The following PPFIBP1 variants were observed in gnomAD, a reference collection of about 807,000 sequenced individuals.
PPFIBP1 encodes the protein liprin-beta-1.
In PPFIBP1, 112 loss-of-function variants were observed where a neutral mutation model predicts 137.8. That is an observed-to-expected ratio of 0.81 (90% CI 0.70 to 0.95). The LOEUF (loss-of-function observed/expected upper bound fraction) is 0.95, where lower values mean the gene tolerates loss of function less well. Among genes scored for constraint, PPFIBP1 ranks in the 40% least tolerant of loss-of-function variants. The probability of loss-of-function intolerance (pLI) is 0.00; values close to 1 mark genes in which losing one functional copy is unlikely to be tolerated. For synonymous variants in PPFIBP1, 378 were observed against 417.3 expected (o/e 0.91, Z 1.15); for missense variants, 1,083 against 1,196.6 (o/e 0.91, Z 1.40).
chr12:27,540,345 G>C (rs1358906902), intron 1 of PPFIBP1, among the ~76,000 whole-genome samples: 5 of 151,630 alleles, frequency 3.3e-5, no homozygotes, highest in Non-Finnish European at 7.4e-5. Flanking sequence ...GGCGTAGTTA[G>C]CTGGTACCCC....
intron 1 of PPFIBP1, among the ~76,000 whole-genome samples, chr12:27,534,141 A>G (rs1944712199): frequency 6.6e-6 from 1 of 152,204 alleles, no homozygotes; most frequent in South Asian, 2.1e-4. Context: ...AGGATATTAA[A>G]AGAAGAAAAA....
chr12:27,682,784 G>C, intron 24 of PPFIBP1, 81 bp downstream of exon 24: 1 of 1,593,550 alleles, frequency 6.3e-7, no homozygotes, highest in Non-Finnish European at 8.5e-7. Context: ...GCCAAACACA[G>C]TGTTTTCAGT....
At chr12:27,582,381 C>A (rs186257370) in intron 2 of PPFIBP1, among the ~76,000 whole-genome samples, 1 of 152,160 alleles carries the variant, frequency 6.6e-6, no homozygotes, top group Admixed American at 6.5e-5. Flanking sequence ...GGGTCCAAGG[C>A]ATTTTTTACA....
intron 13 of PPFIBP1, among the ~76,000 whole-genome samples, chr12:27,670,745 CT>C (rs1407445446): frequency 6.7e-6 from 1 of 149,094 alleles, no homozygotes; most frequent in African/African-American, 2.5e-5. Context: ...CAGCACTGTA[CT>C]TTAGTGTGGA....
At chr12:27,644,565 G>A (rs1344822256) in intron 4 of PPFIBP1, among the ~76,000 whole-genome samples, 1 of 152,102 alleles carries the variant, frequency 6.6e-6, no homozygotes, top group Admixed American at 6.5e-5. Context: ...GAGAACATGC[G>A]TTATTCATCC....
chr12:27,677,416 A>T (rs947686265), intron 19 of PPFIBP1: 11 of 396,442 alleles, frequency 2.8e-5, no homozygotes, highest in Non-Finnish European at 4.6e-5. Flanking sequence ...TCAGCCTTGA[A>T]GTGCATATTA....
At chr12:27,612,139 T>G (rs775053011) in intron 2 of PPFIBP1, among the ~76,000 whole-genome samples, 14 of 152,290 alleles carry the variant, frequency 9.2e-5, no homozygotes, top group Non-Finnish European at 1.6e-4. Flanking sequence ...TGACTTTCTA[T>G]CAGGTCATTC....
intron 2 of PPFIBP1, among the ~76,000 whole-genome samples, chr12:27,599,823 A>G (rs892774136): frequency 6.6e-6 from 1 of 152,176 alleles, no homozygotes; most frequent in Admixed American, 6.5e-5. Context: ...AGTTTCTGAC[A>G]AGTTTCAGGT....
intron 2 of PPFIBP1, among the ~76,000 whole-genome samples, chr12:27,607,920 T>C (rs1420845179): frequency 1.2e-5 from 1 of 83,752 alleles, no homozygotes; most frequent in African/African-American, 4.6e-5. Flanking sequence ...TAAATCAGTT[T>C]TTTTCTTTCC....
chr12:27,526,808 C>G (rs1943810510), intron 1 of PPFIBP1, among the ~76,000 whole-genome samples: 1 of 152,120 alleles, frequency 6.6e-6, no homozygotes, highest in Admixed American at 6.6e-5. Flanking sequence ...GCACTCCAGC[C>G]TGGGCGACTA....
intron 2 of PPFIBP1, among the ~76,000 whole-genome samples, chr12:27,617,134 A>G (rs574859953): frequency 6.6e-6 from 1 of 152,326 alleles, no homozygotes; most frequent in African/African-American, 2.4e-5. Context: ...CCTTATATGA[A>G]GATAATTCAA....
chr12:27,669,434 GA>G (rs2060047034), intron 13 of PPFIBP1, among the ~76,000 whole-genome samples: 1 of 152,114 alleles, frequency 6.6e-6, no homozygotes, highest in South Asian at 2.1e-4. Context: ...TATCCTTTTA[GA>G]AAAAGTCTTT....
At chr12:27,665,678 G>T (rs754604879) in intron 12 of PPFIBP1, among the ~76,000 whole-genome samples, 3 of 152,134 alleles carry the variant, frequency 2.0e-5, no homozygotes, top group Admixed American at 1.3e-4. Flanking sequence ...TTATTTGCTC[G>T]CAACGTAAGC....
intron 27 of PPFIBP1, among the ~76,000 whole-genome samples, chr12:27,690,195 A>T (rs1179902977): frequency 6.6e-6 from 1 of 151,728 alleles, no homozygotes; most frequent in Non-Finnish European, 1.5e-5. Context: ...TTTCAAGCAA[A>T]TGTGGAGGGA....
intron 1 of PPFIBP1, among the ~76,000 whole-genome samples, chr12:27,562,667 C>T (rs926453041): frequency 2.6e-5 from 4 of 152,162 alleles, no homozygotes; most frequent in Non-Finnish European, 5.9e-5. Flanking sequence ...TTGTGCCATA[C>T]TTTTAGAAAT....
intron 1 of PPFIBP1, among the ~76,000 whole-genome samples, chr12:27,554,265 A>G (rs1947062287): frequency 6.6e-6 from 1 of 152,234 alleles, no homozygotes; most frequent in African/African-American, 2.4e-5. Context: ...GCCATCCGCC[A>G]GATTTCTCAG....
chr12:27,654,943 T>C (rs550817462), intron 8 of PPFIBP1, 129 bp downstream of exon 8: 56 of 1,406,810 alleles, frequency 4.0e-5, no homozygotes, highest in Non-Finnish European at 4.8e-5. Flanking sequence ...AAATGAAGAT[T>C]TCCCCCCAAG....
Position 27,633,432 on chromosome 12 carries a change from G to A in PPFIBP1, c.36G>A (p.Ala12=), listed in dbSNP as rs773463371. Residue 12 remains alanine, a synonymous_variant, in exon 3 of 30, where the codon GCG becomes GCA. Transcript: ENST00000228425. ...MSDASDMLAA[A]LEQMDGIIAG... ...ATGCAAGTGACATGTTGGCTGCAGC[G>A]TTGGAGCAGATGGATGGTATCATAG... 4.0e-5 allele frequency: 65 copies of A among 1,613,170 alleles called. No individual in the cohort carries two copies. The highest frequency in any genetic ancestry group is 1.8e-4 in the Middle Eastern group (1 of 5,528).
intron 18 of PPFIBP1, 110 bp downstream of exon 18, chr12:27,676,709 A>G (rs2060535176): frequency 6.0e-6 from 7 of 1,175,098 alleles, no homozygotes; most frequent in African/African-American, 1.6e-5. Context: ...TTTCTCAGAA[A>G]CGAAGGTGAA....
Sources: allele counts gnomAD v4.1 joint callset (sites outside exome capture counted in the v4.1 genomes callset), GRCh38; gene constraint gnomAD v4.1.1; transcripts MANE v1.5; gene names NCBI Gene and HGNC (gene_info 2026-07-23, HGNC 2026-07-21).